The following NECAB2 variants were observed in gnomAD, a reference collection of about 807,000 sequenced individuals.
The protein encoded by NECAB2 is N-terminal EF-hand calcium binding protein 2.
In NECAB2, 68 loss-of-function variants were observed where a neutral mutation model predicts 51.9. That is an observed-to-expected ratio of 1.31 (90% CI 1.08 to 1.60). The LOEUF (loss-of-function observed/expected upper bound fraction) is 1.60, where lower values mean the gene tolerates loss of function less well. Ranked by LOEUF, NECAB2 falls within the 40% of genes most tolerant of loss-of-function variation. The pLI, the probability that NECAB2 is intolerant of heterozygous loss-of-function variation, is 0.00. For synonymous variants in NECAB2, 329 were observed against 203.5 expected (o/e 1.62, Z -5.25); for missense variants, 854 against 490.3 (o/e 1.74, Z -7.00).
At chr16:83,999,728 GCCTGCAGCCCCTTCCTCTGTGGC>G (rs1286374378) in intron 10 of NECAB2, among the ~76,000 whole-genome samples, 9 of 152,236 alleles carry the variant, frequency 5.9e-5, no homozygotes, top group East Asian at 3.9e-4. Flanking sequence ...TGGGGGACTT[GCCTGCAGCCCCTTCCTCTGTGGC>G]CCAGCACCCC....
At chr16:83,980,905 G>C in intron 4 of NECAB2, 41 bp downstream of exon 4, 1 of 1,613,284 alleles carries the variant, frequency 6.2e-7, no homozygotes, top group Admixed American at 1.7e-5. Context: ...GGGGATGCTG[G>C]GATGGGGCTG....
upstream of NECAB2, among the ~76,000 whole-genome samples, chr16:83,967,395 G>T (rs986012168): frequency 2.5e-5 from 3 of 119,828 alleles, no homozygotes; most frequent in African/African-American, 9.5e-5. Context: ...GGGTGGGTGG[G>T]TGGACAGATG....
At chr16:83,973,452 C>G (rs940288715) in intron 2 of NECAB2, among the ~76,000 whole-genome samples, 41 of 152,220 alleles carry the variant, frequency 2.7e-4, no homozygotes, top group African/African-American at 9.6e-4. Context: ...ACAGTGACCA[C>G]TCCCAGGCCT....
At position 83,992,692 on chromosome 16, in the gene NECAB2, C is replaced by G. The variant is rs1012616088; in HGVS notation, c.597-1610C>G. Among the ~76,000 whole-genome samples the G allele has an allele frequency of 3.3e-5, 5 of 152,124 alleles. No individual in the cohort carries two copies. The South Asian group carries it at 8.3e-4, about 25-fold the overall frequency. ...ACACTGTTTCCCAAATGAGTTTGAT[C>G]TGAGCATTTGCGCTGAATCACCTGG... On this transcript the variant is annotated intron_variant, in intron 6 of 12. Coordinates refer to ENST00000305202, the MANE Select transcript of NECAB2 (RefSeq NM_019065.3).
intron 8 of NECAB2, 52 bp from the exon 9 acceptor site, chr16:83,997,164 G>T (rs558103138): frequency 3.1e-6 from 5 of 1,611,134 alleles, no homozygotes; most frequent in Admixed American, 3.3e-5. Flanking sequence ...CTGGCTCCCC[G>T]GGGCGGAGTG....
In NECAB2 at chr16:84,001,989, A is replaced by T. The variant is rs2271302; in HGVS notation, c.1132+73A>T. The T allele has an allele frequency of 2.9e-5, 43 of 1,504,660 alleles. No individual in the cohort carries two copies. In the African/African-American group the frequency reaches 4.5e-4, roughly 16 times the overall value. The allele number at this position is 1,504,660 out of a possible 1,614,324, so 93.2% of individuals were successfully genotyped here. ...AGGGCAAGAGCCTAGAGGCTGCCCC[A>T]TATCTCCCGGGGACTTGCCTGCTTG... On this transcript the variant is annotated intron_variant, in intron 12 of 12. Coordinates refer to ENST00000305202, the MANE Select transcript of NECAB2 (RefSeq NM_019065.3).
chr16:83,985,009 T>C (rs1325167516), intron 5 of NECAB2, among the ~76,000 whole-genome samples: 2 of 152,112 alleles, frequency 1.3e-5, no homozygotes, highest in African/African-American at 4.8e-5. Flanking sequence ...TGTTGACATT[T>C]TTAAAATTTA....
chr16:83,997,480 T>TTTC (rs1491343808), intron 9 of NECAB2, among the ~76,000 whole-genome samples: 1 of 5,818 alleles, frequency 1.7e-4, no homozygotes, highest in African/African-American at 5.0e-4. Flanking sequence ...TCCCTGGACC[T>TTTC]TTTTTTTTTT....
Position 84,002,571 on chromosome 16 carries a change from G to A in NECAB2, c.*225G>A. ...TCCTGGTGAAGCCCAAGGTTGAAGGGGGCGGCTTCCTGGAGCCAGCACCCC... is the reference window on the plus strand; with the variant it reads ...TCCTGGTGAAGCCCAAGGTTGAAGGAGGCGGCTTCCTGGAGCCAGCACCCC... On this transcript the variant is annotated 3_prime_UTR_variant, in exon 13 of 13. Transcript: ENST00000305202. 3 of 615,808 alleles carry A rather than the reference G, an allele frequency of 4.9e-6. 1 individual carries two copies. In the South Asian group the frequency reaches 5.9e-5, roughly 12 times the overall value. 38.1% of individuals were successfully genotyped at this position (615,808 alleles called of 1,614,324 possible). A position where few individuals can be genotyped will look rare whatever the true frequency, so the allele number is the denominator to read the frequency against.
At position 83,996,400 on chromosome 16, in the gene NECAB2, T is replaced by A. The variant is rs73248840; in HGVS notation, c.796-816T>A. ...CGTGCAAGGTCCCTTGCTCAAACAT[T>A]TAGAACGTCACGGTGGTGACTACAC... On this transcript the variant is annotated intron_variant, in intron 8 of 12. Transcript: ENST00000305202. Among the ~76,000 whole-genome samples the A allele has an allele frequency of 7.7e-3, 1,171 of 152,186 alleles. 19 individuals are homozygous for A. The highest frequency in any genetic ancestry group is 0.027 in the African/African-American group (1,105 of 41,506).
chr16:83,993,949 C>T (rs571650040), intron 6 of NECAB2, among the ~76,000 whole-genome samples: 9 of 152,258 alleles, frequency 5.9e-5, no homozygotes, highest in Admixed American at 2.0e-4. Flanking sequence ...TTGGTCACTC[C>T]ACAGCTTGGG....
intron 8 of NECAB2, among the ~76,000 whole-genome samples, chr16:83,996,333 C>T (rs1248351371): frequency 6.6e-6 from 1 of 152,086 alleles, no homozygotes; most frequent in Non-Finnish European, 1.5e-5. Flanking sequence ...AAGGCAGTAC[C>T]CTTGCCAGGA....
rs147931787 is a variant in NECAB2, at chr16:83,981,435, C to G, written c.459+308C>G. On this transcript the variant is annotated intron_variant, in intron 5 of 12. Coordinates refer to ENST00000305202, the MANE Select transcript of NECAB2 (RefSeq NM_019065.3). ...GGGGTCCCCAGACAGGTGTCGTACC[C>G]TTCAGGGTGGGCTTACAAGACTGGA... 5.5e-5 allele frequency among the ~76,000 whole-genome samples: 7 copies of G among 126,494 alleles called. No homozygotes were observed. The East Asian group carries it at 1.8e-3, about 32-fold the overall frequency. The allele number at this position is 126,494 out of a possible 152,430, so 83.0% of individuals were successfully genotyped here. A position where few individuals can be genotyped will look rare whatever the true frequency, so the allele number is the denominator to read the frequency against.
chr16:83,983,646 T>C (rs574590988), intron 5 of NECAB2, among the ~76,000 whole-genome samples: 10 of 152,366 alleles, frequency 6.6e-5, no homozygotes, highest in Middle Eastern at 3.4e-3. Context: ...TTGTCTCAAA[T>C]TGAACAATCC....
intron 5 of NECAB2, among the ~76,000 whole-genome samples, chr16:83,986,304 A>G (rs986949422): frequency 1.3e-5 from 2 of 152,236 alleles, no homozygotes; most frequent in Admixed American, 6.5e-5. Context: ...GGCATGAGCC[A>G]CTGCGCCCAG....
At chr16:83,989,022 T>C (rs544624845) in intron 5 of NECAB2, among the ~76,000 whole-genome samples, 1 of 152,350 alleles carries the variant, frequency 6.6e-6, no homozygotes, top group South Asian at 2.1e-4. Context: ...CCAGTAACAC[T>C]TATTGATCGC....
At position 84,001,708 on chromosome 16, in the gene NECAB2, A is replaced by AC. The variant is rs150449527; in HGVS notation, c.1041-111dup. The AC allele has an allele frequency of 5.5e-3, 5,785 of 1,059,900 alleles. 181 individuals are homozygous for AC. In the African/African-American group the frequency reaches 0.072, roughly 13 times the overall value. 65.7% of individuals were successfully genotyped at this position (1,059,900 alleles called of 1,614,324 possible). ...TCCCACAAAGGCTCTGAGTCCAAAG[A>AC]CCCCCCGTGCTTATTGATAAGCTCC... On this transcript the variant is annotated intron_variant, in intron 11 of 12. Coordinates refer to ENST00000305202, the MANE Select transcript of NECAB2 (RefSeq NM_019065.3).
intron 2 of NECAB2, among the ~76,000 whole-genome samples, chr16:83,977,444 T>C (rs529232250): frequency 7.2e-5 from 11 of 152,194 alleles, no homozygotes; most frequent in African/African-American, 2.4e-4. Flanking sequence ...CCTCCCCTGG[T>C]GGCCCAATCT....
upstream of NECAB2, chr16:83,965,228 C>G (rs1567658594): frequency 1.2e-6 from 2 of 1,612,806 alleles, no homozygotes; most frequent in African/African-American, 1.3e-5. Flanking sequence ...CTCCAGCCCC[C>G]TCTTCCAGGT....
Sources: allele counts gnomAD v4.1 joint callset (sites outside exome capture counted in the v4.1 genomes callset), GRCh38; gene constraint gnomAD v4.1.1; transcripts MANE v1.5; gene names NCBI Gene and HGNC (gene_info 2026-07-23, HGNC 2026-07-21).